MEIS1: variants seen among roughly 807,000 people sequenced by gnomAD.
MEIS1 encodes homeobox protein Meis1.
Under a neutral mutation model 50.8 loss-of-function variants are expected in MEIS1, and 5 were observed. The ratio of observed to expected loss-of-function variants is 0.10; its 90% CI spans 0.05 to 0.21. MEIS1 has a LOEUF of 0.21. Among genes scored for constraint, MEIS1 ranks in the 10% least tolerant of loss-of-function variants. The pLI is 1.00. For synonymous variants in MEIS1, 176 were observed against 179.3 expected, an observed-to-expected ratio of 0.98 and a Z score of 0.15; for missense variants, 318 against 517.3, an observed-to-expected ratio of 0.61 and a Z score of 3.74.
chr2:66,493,393 A>C (rs1253422410), intron 7 of MEIS1, among the ~76,000 whole-genome samples: 5 of 152,158 alleles, frequency 3.3e-5, no homozygotes, highest in Non-Finnish European at 7.3e-5. Flanking sequence ...TCCTAACTAT[A>C]ATATTTCCAC....
In MEIS1 at chr2:66,438,840, A is replaced by AT. The variant is rs573632646; in HGVS notation, c.239+877_239+878insT. Among the ~76,000 whole-genome samples the AT allele has an allele frequency of 3.2e-4, 48 of 152,012 alleles. 1 individual carries two copies. The South Asian group carries it at 4.4e-3, about 14-fold the overall frequency. ...CTGACCCTCCCTCGCTGGAAAAAAAAATATATATAATCTTTTTATTTTATT... is the reference window on the plus strand; with the variant it reads ...CTGACCCTCCCTCGCTGGAAAAAAAATATATATATAATCTTTTTATTTTATT... On this transcript the variant is annotated intron_variant, in intron 2 of 12. Coordinates refer to ENST00000272369, the MANE Select transcript of MEIS1 (RefSeq NM_002398.3).
intron 2 of MEIS1, 45 bp downstream of exon 2, chr2:66,438,008 T>A (rs369087565): frequency 7.6e-5 from 112 of 1,477,760 alleles, no homozygotes; most frequent in Non-Finnish European, 9.7e-5. Context: ...ACTCAACGCT[T>A]CCCTCTTTCT....
At chr2:66,457,291 G>A (rs143910403) in intron 6 of MEIS1, among the ~76,000 whole-genome samples, 2 of 151,956 alleles carry the variant, frequency 1.3e-5, no homozygotes, top group African/African-American at 2.4e-5. Flanking sequence ...AATTATAGGT[G>A]CTCAATACAT....
intron 7 of MEIS1, among the ~76,000 whole-genome samples, chr2:66,486,355 C>T (rs1343213438): frequency 6.6e-6 from 1 of 152,176 alleles, no homozygotes; most frequent in African/African-American, 2.4e-5. Flanking sequence ...TAAATAGGGA[C>T]TTCTTTCCCC....
At chr2:66,536,351 C>CA (rs1423439121) in intron 8 of MEIS1, among the ~76,000 whole-genome samples, 1 of 152,050 alleles carries the variant, frequency 6.6e-6, no homozygotes, top group Non-Finnish European at 1.5e-5. Context: ...TTATGTTCAC[C>CA]AGGGTCTGCA....
chr2:66,498,370 C>T (rs932271315), intron 7 of MEIS1, among the ~76,000 whole-genome samples: 1 of 152,036 alleles, frequency 6.6e-6, no homozygotes, highest in Admixed American at 6.5e-5. Flanking sequence ...ATAACTTGCC[C>T]AGGGTCACAC....
intron 7 of MEIS1, among the ~76,000 whole-genome samples, chr2:66,471,228 C>T (rs1672753917): frequency 6.6e-6 from 1 of 152,184 alleles, no homozygotes; most frequent in Non-Finnish European, 1.5e-5. Context: ...CATTAGTCAA[C>T]AGAGTCATTT....
At chr2:66,567,403 C>A (rs1215857205) in intron 9 of MEIS1, 50 bp from the exon 10 acceptor site, 5 of 1,575,104 alleles carry the variant, frequency 3.2e-6, no homozygotes, top group Non-Finnish European at 4.3e-6. Context: ...TCCTCAACCC[C>A]CCCTTTTATT....
At chr2:66,558,030 A>G (rs773469409) in intron 9 of MEIS1, among the ~76,000 whole-genome samples, 1 of 152,208 alleles carries the variant, frequency 6.6e-6, no homozygotes, top group Non-Finnish European at 1.5e-5. Flanking sequence ...CTGTAATCCC[A>G]GCATTTTGGG....
intron 8 of MEIS1, among the ~76,000 whole-genome samples, chr2:66,544,903 T>G (rs1352187473): frequency 6.6e-6 from 1 of 152,198 alleles, no homozygotes; most frequent in Non-Finnish European, 1.5e-5. Context: ...GCCATATTAC[T>G]ACCCTTTGAA....
At chr2:66,543,628 A>G (rs566803885) in intron 8 of MEIS1, among the ~76,000 whole-genome samples, 1 of 152,270 alleles carries the variant, frequency 6.6e-6, no homozygotes, top group East Asian at 1.9e-4. Flanking sequence ...ATGCAGATCA[A>G]ATGGGAAACA....
chr2:66,531,474 T>C (rs1674388556), intron 8 of MEIS1, among the ~76,000 whole-genome samples: 1 of 152,180 alleles, frequency 6.6e-6, no homozygotes, highest in Admixed American at 6.5e-5. Flanking sequence ...CCTTCAAACA[T>C]GTATTAGAAA....
chr2:66,500,621 C>G (rs1673530496), intron 7 of MEIS1, among the ~76,000 whole-genome samples: 1 of 152,056 alleles, frequency 6.6e-6, no homozygotes, highest in Non-Finnish European at 1.5e-5. Context: ...GGCAGAGTTT[C>G]ACCATCTTGG....
intron 9 of MEIS1, among the ~76,000 whole-genome samples, chr2:66,566,205 A>T (rs1035715777): frequency 6.6e-6 from 1 of 152,172 alleles, no homozygotes; most frequent in African/African-American, 2.4e-5. Context: ...TATTTGTTTC[A>T]ATTACTTCTC....
At chr2:66,438,840 A>T (rs34901111) in intron 2 of MEIS1, among the ~76,000 whole-genome samples, 6,165 of 151,986 alleles carry the variant, frequency 0.041, 169 homozygotes, top group South Asian at 0.078. Flanking sequence ...TGGAAAAAAA[A>T]ATATATATAA....
At chr2:66,440,639 C>T in intron 4 of MEIS1, 27 bp downstream of exon 4, 2 of 1,216,062 alleles carry the variant, frequency 1.6e-6, no homozygotes, top group Non-Finnish European at 2.3e-6. Context: ...ATTTCCCTCC[C>T]CCGCCCCCGA....
At chr2:66,567,035 G>C (rs911844125) in intron 9 of MEIS1, among the ~76,000 whole-genome samples, 1 of 152,128 alleles carries the variant, frequency 6.6e-6, no homozygotes, top group Non-Finnish European at 1.5e-5. Context: ...TTGTACAAAA[G>C]AAGTCAGAGA....
Position 66,495,370 on chromosome 2 carries a change from C to A in MEIS1, c.743-16779C>A, listed in dbSNP as rs544315076. 5.6e-3 allele frequency among the ~76,000 whole-genome samples: 850 copies of A among 152,188 alleles called. 5 individuals are homozygous for A. The highest frequency in any genetic ancestry group is 0.019 in the African/African-American group (789 of 41,516). ...CTGCAGTGATCCATCATTCAACTTC[C>A]GGTCTTTTTCATCATATTAGATTGT... On this transcript the variant is annotated intron_variant, in intron 7 of 12. Coordinates refer to ENST00000272369, the MANE Select transcript of MEIS1 (RefSeq NM_002398.3).
At position 66,509,502 on chromosome 2, in the gene MEIS1, G is replaced by A. The variant is rs1673771212; in HGVS notation, c.743-2647G>A. Among the ~76,000 whole-genome samples the A allele has an allele frequency of 1.3e-5, 2 of 152,246 alleles. 1 individual carries two copies. Among genetic ancestry groups the A allele is most frequent in the South Asian group, 4.1e-4 (2 of 4,834 alleles). On this transcript the variant is annotated intron_variant, in intron 7 of 12. Transcript: ENST00000272369. ...ACAAACTGTGCATTAAGCCAAGGCT[G>A]TTTTTGGCTTGAGCTAATGATGTAA...
Sources: gnomAD v4.1 joint callset for allele counts (sites outside exome capture counted in the v4.1 genomes callset) on GRCh38, gnomAD v4.1.1 for gene constraint, MANE v1.5 for transcripts, NCBI Gene and HGNC (gene_info 2026-07-23, HGNC 2026-07-21) for gene names.